SMCHD1: variants seen among roughly 807,000 people sequenced by gnomAD.
SMCHD1 encodes structural maintenance of chromosomes flexible hinge domain containing 1, also known as structural maintenance of chromosomes flexible hinge domain-containing protein 1.
In SMCHD1, 78 loss-of-function variants were observed where a neutral mutation model predicts 254.7. The ratio of observed to expected loss-of-function variants is 0.31; its 90% CI spans 0.26 to 0.37. The LOEUF is 0.37. SMCHD1 is among the 10% of genes least tolerant of loss of function. The pLI is 1.00. For missense variants in SMCHD1, 1,840 were observed against 2,408.1 expected (o/e 0.76, Z 4.94); for synonymous variants, 766 against 794.9 (o/e 0.96, Z 0.61).
chr18:2,746,113 A>T (rs1718470882), intron 29 of SMCHD1, among the ~76,000 whole-genome samples: 1 of 152,234 alleles, frequency 6.6e-6, no homozygotes, highest in African/African-American at 2.4e-5. Flanking sequence ...GCTTGAGCCC[A>T]GGAGTTCAAG....
intron 1 of SMCHD1, among the ~76,000 whole-genome samples, chr18:2,657,113 A>T (rs2073091802): frequency 6.6e-6 from 1 of 152,190 alleles, no homozygotes; most frequent in African/African-American, 2.4e-5. Context: ...TGTTAAGAAC[A>T]CTTAGCGTCC....
At chr18:2,750,288 C>A in intron 31 of SMCHD1, 62 bp from the exon 32 acceptor site, 1 of 1,517,506 alleles carries the variant, frequency 6.6e-7, no homozygotes. Context: ...CATAAATTGT[C>A]TCAGAATTTT....
intron 6 of SMCHD1, 36 bp downstream of exon 6, chr18:2,688,544 C>A: frequency 1.3e-6 from 2 of 1,595,544 alleles, no homozygotes; most frequent in South Asian, 1.1e-5. Flanking sequence ...GAAAGTTGAT[C>A]AAAATATTTT....
intron 7 of SMCHD1, among the ~76,000 whole-genome samples, chr18:2,691,005 T>A (rs1265103004): frequency 6.6e-6 from 1 of 151,674 alleles, no homozygotes; most frequent in Admixed American, 6.6e-5. Flanking sequence ...TGGGTTGGAT[T>A]TTTTTTTTCC....
At chr18:2,699,813 A>G (rs1452377016) in intron 10 of SMCHD1, among the ~76,000 whole-genome samples, 2 of 152,216 alleles carry the variant, frequency 1.3e-5, no homozygotes, top group African/African-American at 2.4e-5. Flanking sequence ...GCTTTTATAT[A>G]AGGGACTTCT....
intron 8 of SMCHD1, among the ~76,000 whole-genome samples, chr18:2,695,586 A>G (rs2509460): frequency 0.82 from 125,317 of 152,134 alleles, 55,076 homozygotes; most frequent in East Asian, 1. Context: ...CTGGGATTAC[A>G]GGCGTGAGCC....
At chr18:2,760,837 T>C in intron 35 of SMCHD1, 98 bp downstream of exon 35, 1 of 599,254 alleles carries the variant, frequency 1.7e-6, no homozygotes, top group Admixed American at 3.3e-5. Context: ...CATTTTCTCA[T>C]TTAGTTTATG....
At chr18:2,801,646 G>T (rs1011102678) in intron 47 of SMCHD1, among the ~76,000 whole-genome samples, 13 of 151,928 alleles carry the variant, frequency 8.6e-5, no homozygotes, top group African/African-American at 3.1e-4. Flanking sequence ...TACATTATAT[G>T]TGTTTCTGTA....
intron 1 of SMCHD1, among the ~76,000 whole-genome samples, chr18:2,660,925 A>G (rs2073232047): frequency 1.3e-5 from 2 of 152,204 alleles, no homozygotes; most frequent in Admixed American, 1.3e-4. Context: ...CGTGGGACCA[A>G]CACAAATGCC....
Position 2,779,397 on chromosome 18 carries a change from G to A in SMCHD1, c.5547+1158G>A, listed in dbSNP as rs185850008. 1.3e-3 allele frequency among the ~76,000 whole-genome samples: 197 copies of A among 152,308 alleles called. 2 individuals are homozygous for A. The highest frequency in any genetic ancestry group is 4.5e-3 in the Admixed American group (69 of 15,292). ...ACCCATGAGGGTGAGATAGAGTAGG[G>A]TAATGCCATTTAGAGTTTTAGAAGC... is the stretch of plus-strand genomic sequence containing the variant. On this transcript the variant is annotated intron_variant, in intron 44 of 47. Transcript: ENST00000320876.
chr18:2,707,348 A>G (rs2074540993), intron 15 of SMCHD1: 3 of 332,906 alleles, frequency 9.0e-6, no homozygotes, highest in South Asian at 2.3e-4. Context: ...TTTAATTCCA[A>G]AAGGTTTTTT....
intron 17 of SMCHD1, among the ~76,000 whole-genome samples, chr18:2,715,887 T>G (rs2074787549): frequency 6.6e-6 from 1 of 152,198 alleles, no homozygotes; most frequent in Non-Finnish European, 1.5e-5. Flanking sequence ...AATTTTTTAT[T>G]TGATATTTCA....
At chr18:2,757,155 G>A (rs907265477) in intron 34 of SMCHD1, among the ~76,000 whole-genome samples, 2 of 152,126 alleles carry the variant, frequency 1.3e-5, no homozygotes, top group South Asian at 4.1e-4. Flanking sequence ...AACTTTAATA[G>A]CATTCACAAG....
At chr18:2,777,067 C>CCG (rs1555653832) in intron 42 of SMCHD1, among the ~76,000 whole-genome samples, 3 of 147,796 alleles carry the variant, frequency 2.0e-5, no homozygotes, top group South Asian at 2.4e-4. Flanking sequence ...CCACCTCCCC[C>CCG]CCCCATACCC....
chr18:2,686,910 TTTCTGTTTC>T (rs1229525489), intron 5 of SMCHD1, among the ~76,000 whole-genome samples: 28 of 152,240 alleles, frequency 1.8e-4, no homozygotes, highest in Admixed American at 1.6e-3. Flanking sequence ...ATTCTTTCTG[TTTCTGTTTC>T]TTCTGTTTTC....
intron 19 of SMCHD1, among the ~76,000 whole-genome samples, chr18:2,720,475 A>G (rs1193818178): frequency 6.6e-6 from 1 of 152,080 alleles, no homozygotes; most frequent in Non-Finnish European, 1.5e-5. Flanking sequence ...TTTATTAGAT[A>G]TTCTGTTATA....
chr18:2,752,387 T>C (rs2075591722), intron 33 of SMCHD1, 101 bp from the exon 34 acceptor site: 1 of 734,068 alleles, frequency 1.4e-6, no homozygotes, highest in African/African-American at 1.8e-5. Flanking sequence ...GGAATCCAGA[T>C]ACACATTCAG....
chr18:2,797,938 G>A (rs1217955072), intron 47 of SMCHD1, among the ~76,000 whole-genome samples: 2 of 151,934 alleles, frequency 1.3e-5, no homozygotes, highest in Non-Finnish European at 2.9e-5. Flanking sequence ...AAAGAAAATA[G>A]GGAATGAAAA....
At chr18:2,796,546 A>G in intron 47 of SMCHD1, 25 bp downstream of exon 47, 2 of 1,457,030 alleles carry the variant, frequency 1.4e-6, no homozygotes, top group Non-Finnish European at 1.9e-6. Flanking sequence ...CCTGAGAATT[A>G]TGCTTGGTTA....
Sources: gnomAD v4.1 joint callset for allele counts (sites outside exome capture counted in the v4.1 genomes callset) on GRCh38, gnomAD v4.1.1 for gene constraint, MANE v1.5 for transcripts, NCBI Gene and HGNC (gene_info 2026-07-23, HGNC 2026-07-21) for gene names.